PSMA8: variants seen among roughly 807,000 people sequenced by gnomAD.
PSMA8 encodes the protein proteasome subunit alpha-type 8.
In PSMA8, 18 loss-of-function variants were observed where a neutral mutation model predicts 32.4. That is an observed-to-expected ratio of 0.56 (90% CI 0.38 to 0.82). The LOEUF (loss-of-function observed/expected upper bound fraction) is 0.82. PSMA8 is among the 40% of genes least tolerant of loss of function. The pLI is 0.00. For missense variants in PSMA8, 298 were observed against 300.7 expected, an observed-to-expected ratio of 0.99 and a Z score of 0.07; for synonymous variants, 104 against 98.1, an observed-to-expected ratio of 1.06 and a Z score of -0.36.
intron 4 of PSMA8, among the ~76,000 whole-genome samples, chr18:26,164,940 C>T (rs1484070183): frequency 2.6e-5 from 4 of 151,544 alleles, no homozygotes; most frequent in Non-Finnish European, 4.4e-5. Flanking sequence ...TTTTTTGAGA[C>T]GGAATCTCTC....
At chr18:26,152,697 T>C (rs2055056563) in intron 3 of PSMA8, among the ~76,000 whole-genome samples, 1 of 152,154 alleles carries the variant, frequency 6.6e-6, no homozygotes, top group Admixed American at 6.5e-5. Context: ...AGAAACTTAA[T>C]CCCTGATGTC....
chr18:26,184,508 C>T (rs2055336844), intron 6 of PSMA8, among the ~76,000 whole-genome samples: 2 of 150,090 alleles, frequency 1.3e-5, no homozygotes, highest in South Asian at 4.2e-4. Context: ...CGCGGTGGCT[C>T]ACGCTTGCAA....
intron 6 of PSMA8, among the ~76,000 whole-genome samples, chr18:26,189,458 G>A (rs544995783): frequency 1.3e-5 from 2 of 152,174 alleles, no homozygotes; most frequent in East Asian, 3.9e-4. Flanking sequence ...ACTTGAACCT[G>A]GGAGGTCAAG....
At chr18:26,183,568 A>G (rs2055329913) in intron 6 of PSMA8, among the ~76,000 whole-genome samples, 5 of 150,748 alleles carry the variant, frequency 3.3e-5, no homozygotes, top group Admixed American at 2.6e-4. Context: ...TGAATATGCA[A>G]CTGAATTGCT....
chr18:26,179,949 A>T (rs546763054), intron 6 of PSMA8, among the ~76,000 whole-genome samples: 17 of 100,544 alleles, frequency 1.7e-4, no homozygotes, highest in Admixed American at 1.5e-3. Flanking sequence ...AAATTAAATT[A>T]AAAAAAAAAA....
intron 1 of PSMA8, among the ~76,000 whole-genome samples, chr18:26,137,457 C>CA (rs138765946): frequency 0.057 from 8,605 of 150,588 alleles, 713 homozygotes; most frequent in African/African-American, 0.19. Context: ...GAATCTGTCT[C>CA]AAAAAAAAAT....
intron 4 of PSMA8, among the ~76,000 whole-genome samples, chr18:26,172,516 T>C (rs1408594284): frequency 6.6e-6 from 1 of 152,224 alleles, no homozygotes; most frequent in Admixed American, 6.5e-5. Flanking sequence ...TTTATAGGTA[T>C]GTAGCAATGT....
At chr18:26,141,830 G>T (rs530746260) in intron 1 of PSMA8, among the ~76,000 whole-genome samples, 4 of 150,128 alleles carry the variant, frequency 2.7e-5, no homozygotes, top group African/African-American at 9.8e-5. Context: ...GGAACTACAG[G>T]TGCACACACC....
intron 1 of PSMA8, among the ~76,000 whole-genome samples, chr18:26,137,481 G>C (rs1288506379): frequency 6.6e-6 from 1 of 152,196 alleles, no homozygotes; most frequent in Non-Finnish European, 1.5e-5. Context: ...ACTTGCTTCA[G>C]AGAGTTGATG....
At chr18:26,155,339 A>G (rs1363230500) in intron 3 of PSMA8, among the ~76,000 whole-genome samples, 1 of 152,248 alleles carries the variant, frequency 6.6e-6, no homozygotes, top group Non-Finnish European at 1.5e-5. Flanking sequence ...GACATTAGGA[A>G]ATAGTCAAAC....
At chr18:26,179,948 T>TA (rs35112719) in intron 6 of PSMA8, among the ~76,000 whole-genome samples, 35 of 134,502 alleles carry the variant, frequency 2.6e-4, no homozygotes, top group South Asian at 7.2e-4. Context: ...AAAATTAAAT[T>TA]AAAAAAAAAA....
rs1349424886 is a variant in PSMA8 at position 26,168,492 on chromosome 18, T to G, written c.477+10248T>G. ...CCTAACCAACCCTTTCCCCTTGTTT[T>G]TTTTTTTTTTTTTTTTTTACTTTTG... is the stretch of plus-strand genomic sequence containing the variant. On this transcript the variant is annotated intron_variant, in intron 4 of 6. Coordinates refer to ENST00000415576, the MANE Select transcript of PSMA8 (RefSeq NM_001025096.2). Among the ~76,000 whole-genome samples, 2 of 125,610 alleles carry G rather than the reference T, an allele frequency of 1.6e-5. 1 individual carries two copies. The highest frequency in any genetic ancestry group is 1.6e-4 in the Admixed American group (2 of 12,594). 82.4% of individuals were successfully genotyped at this position (125,610 alleles called of 152,430 possible).
At chr18:26,179,042 C>A in intron 5 of PSMA8, 26 bp from the exon 6 acceptor site, 1 of 1,609,018 alleles carries the variant, frequency 6.2e-7, no homozygotes, top group South Asian at 1.1e-5. Flanking sequence ...TGAAATAATT[C>A]TAATAGTGTA....
intron 2 of PSMA8, among the ~76,000 whole-genome samples, chr18:26,150,251 A>T (rs546792080): frequency 6.6e-6 from 1 of 152,326 alleles, no homozygotes; most frequent in Non-Finnish European, 1.5e-5. Context: ...ATTTCAGAGC[A>T]CTTGACTGAA....
At chr18:26,163,443 C>T (rs1293820953) in intron 4 of PSMA8, among the ~76,000 whole-genome samples, 2 of 151,714 alleles carry the variant, frequency 1.3e-5, no homozygotes, top group Non-Finnish European at 2.9e-5. Context: ...GGGCAAAATC[C>T]CAAGGCAGTA....
At chr18:26,142,201 G>A (rs1043752969) in intron 1 of PSMA8, among the ~76,000 whole-genome samples, 9 of 151,708 alleles carry the variant, frequency 5.9e-5, no homozygotes, top group Admixed American at 2.0e-4. Flanking sequence ...CACCACGCCC[G>A]GCTGATTTTT....
chr18:26,181,781 A>G (rs996264187), intron 6 of PSMA8, among the ~76,000 whole-genome samples: 1 of 152,164 alleles, frequency 6.6e-6, no homozygotes, highest in Non-Finnish European at 1.5e-5. Flanking sequence ...AAATTTAGCC[A>G]CGTGTGGTGG....
At chr18:26,172,900 G>T (rs926624201) in intron 4 of PSMA8, among the ~76,000 whole-genome samples, 3 of 152,140 alleles carry the variant, frequency 2.0e-5, no homozygotes, top group African/African-American at 7.2e-5. Context: ...AATAGGCAGT[G>T]AACAAGCTTC....
chr18:26,163,217 A>G (rs111788874), intron 4 of PSMA8, among the ~76,000 whole-genome samples: 1,985 of 8,188 alleles, frequency 0.24, 112 homozygotes, highest in African/African-American at 0.42. Flanking sequence ...GTGTGTGTAT[A>G]TATATATATA....
Sources: allele counts gnomAD v4.1 joint callset (sites outside exome capture counted in the v4.1 genomes callset), GRCh38; gene constraint gnomAD v4.1.1; transcripts MANE v1.5; gene names NCBI Gene and HGNC (gene_info 2026-07-23, HGNC 2026-07-21).